SLC7A14: variants seen among roughly 807,000 people sequenced by gnomAD.
SLC7A14 encodes solute carrier family 7 member 14.
In SLC7A14, 37 loss-of-function variants were observed where a neutral mutation model predicts 60.2. That is an observed-to-expected ratio of 0.61 (90% confidence interval 0.47 to 0.81). The LOEUF (loss-of-function observed/expected upper bound fraction) is 0.81, where lower values mean the gene tolerates loss of function less well. SLC7A14 is among the 30% of genes least tolerant of loss of function. SLC7A14 has a pLI of 0.00. For missense variants in SLC7A14, 886 were observed against 982.7 expected (o/e 0.90, Z 1.32); for synonymous variants, 399 against 395.8 (o/e 1.01, Z -0.10).
chr3:170,484,235 C>T (rs989520538), intron 5 of SLC7A14, among the ~76,000 whole-genome samples: 1 of 152,134 alleles, frequency 6.6e-6, no homozygotes, highest in Admixed American at 6.5e-5. Flanking sequence ...AAGGGTCCAC[C>T]CCCAGAGAAG....
chr3:170,529,803 C>T (rs1181311779), intron 1 of SLC7A14, among the ~76,000 whole-genome samples: 1 of 152,050 alleles, frequency 6.6e-6, no homozygotes, highest in Non-Finnish European at 1.5e-5. Flanking sequence ...TGACTGATGT[C>T]CTTATAAAAA....
rs185407870 is a variant in SLC7A14 at position 170,465,769 on chromosome 3, A to G, written c.*1286T>C. On this transcript the variant is annotated 3_prime_UTR_variant, in exon 8 of 8. Transcript: ENST00000231706. ...CAGCCACAGGAATTCTTGTAACCCA[A>G]GAGTAGAATTTATATTGTAGCCCAT... 2.6e-5 allele frequency: 4 copies of G among 152,326 alleles called. No homozygotes were observed. Among genetic ancestry groups the G allele is most frequent in the Admixed American group, 1.3e-4 (2 of 15,296 alleles). 9.4% of individuals were successfully genotyped at this position (152,326 alleles called of 1,614,324 possible).
At chr3:170,554,938 G>A (rs1030441798) in intron 1 of SLC7A14, among the ~76,000 whole-genome samples, 25 of 152,266 alleles carry the variant, frequency 1.6e-4, no homozygotes, top group African/African-American at 6.0e-4. Flanking sequence ...GGAGGCCGAG[G>A]TGGGCAGATC....
At chr3:170,497,196 T>G (rs749715465) in intron 4 of SLC7A14, among the ~76,000 whole-genome samples, 2 of 152,214 alleles carry the variant, frequency 1.3e-5, no homozygotes, top group African/African-American at 4.8e-5. Context: ...GTTTCTCTTA[T>G]ATGATAGGAA....
Position 170,535,339 on chromosome 3 carries a change from A to C in SLC7A14, c.-152-8251T>G, listed in dbSNP as rs1713806517. Among the ~76,000 whole-genome samples the C allele has an allele frequency of 6.6e-6, 1 of 152,190 alleles. No individual in the cohort carries two copies. The highest frequency in any genetic ancestry group is 1.5e-5 in the Non-Finnish European group (1 of 68,022). Reference sequence around the variant, plus strand: ...TCTGTTAGAAGGGACAAATAATACCAAAAACCAGTTAATCCTTCTATGCCA... The same window carrying C: ...TCTGTTAGAAGGGACAAATAATACCCAAAACCAGTTAATCCTTCTATGCCA... On this transcript the variant is annotated intron_variant, in intron 1 of 7. Coordinates refer to ENST00000231706, the MANE Select transcript of SLC7A14 (RefSeq NM_020949.3). The surrounding 1 kb of genome is among the most constrained non-coding windows in gnomAD (Gnocchi z 4.3).
chr3:170,539,757 C>T (rs1480722504), intron 1 of SLC7A14, among the ~76,000 whole-genome samples: 1 of 152,114 alleles, frequency 6.6e-6, no homozygotes, highest in South Asian at 2.1e-4. Flanking sequence ...GCAGGGGCTA[C>T]CTTCCAAGAC....
At chr3:170,526,548 C>G in intron 2 of SLC7A14, 85 bp downstream of exon 2, 4 of 1,515,514 alleles carry the variant, frequency 2.6e-6, no homozygotes, top group Non-Finnish European at 3.6e-6. Context: ...CATCTCACCA[C>G]TAAATACTCC....
At chr3:170,512,820 C>T (rs1038777987) in intron 2 of SLC7A14, among the ~76,000 whole-genome samples, 67 of 151,916 alleles carry the variant, frequency 4.4e-4, no homozygotes, top group African/African-American at 1.5e-3. Context: ...CCCGCCACTA[C>T]GCCCGGCTAA....
intron 4 of SLC7A14, chr3:170,495,560 A>C: frequency 1.3e-6 from 1 of 757,532 alleles, no homozygotes; most frequent in Admixed American, 1.8e-5. Context: ...GCCTCTCCCG[A>C]GTGAGCAGCA....
At chr3:170,518,934 C>T (rs1713252810) in intron 2 of SLC7A14, among the ~76,000 whole-genome samples, 1 of 152,166 alleles carries the variant, frequency 6.6e-6, no homozygotes, top group Admixed American at 6.6e-5. Context: ...TGTGAGCTTG[C>T]TGTTTGCTGG....
intron 1 of SLC7A14, among the ~76,000 whole-genome samples, chr3:170,577,568 A>G (rs1399471035): frequency 1.4e-5 from 2 of 141,138 alleles, no homozygotes; most frequent in African/African-American, 5.2e-5. Context: ...CAGTGAGCCG[A>G]GATTGCGCCA....
chr3:170,571,780 G>C (rs1714961622), intron 1 of SLC7A14, among the ~76,000 whole-genome samples: 1 of 152,008 alleles, frequency 6.6e-6, no homozygotes, highest in Non-Finnish European at 1.5e-5. Context: ...GTAAGACTTG[G>C]CCAGGCACGT....
Position 170,532,187 on chromosome 3 carries a change from G to A in SLC7A14, c.-152-5099C>T, listed in dbSNP as rs187682253. Among the ~76,000 whole-genome samples the A allele has an allele frequency of 6.6e-6, 1 of 152,118 alleles. No individual in the cohort carries two copies. Among genetic ancestry groups the A allele is most frequent in the Non-Finnish European group, 1.5e-5 (1 of 68,038 alleles). On this transcript the variant is annotated intron_variant, in intron 1 of 7. Coordinates refer to ENST00000231706, the MANE Select transcript of SLC7A14 (RefSeq NM_020949.3). The surrounding 1 kb of genome is among the most constrained non-coding windows in gnomAD (Gnocchi z 4.0). ...TGGCTGATAGAAGCAGCCCTTTCAC[G>A]TGGTGGGACAGTTAGGATTGCTACA... is the stretch of plus-strand genomic sequence containing the variant.
intron 7 of SLC7A14, among the ~76,000 whole-genome samples, chr3:170,476,476 G>A (rs540311534): frequency 2.0e-5 from 3 of 152,280 alleles, no homozygotes; most frequent in South Asian, 2.1e-4. Context: ...TTGAGTCAGC[G>A]AGTAGCAGTT....
chr3:170,522,606 A>C (rs1237280564), intron 2 of SLC7A14, among the ~76,000 whole-genome samples: 1 of 152,220 alleles, frequency 6.6e-6, no homozygotes, highest in East Asian at 1.9e-4. Flanking sequence ...AGGGACTGAA[A>C]ACAAATTAGT....
intron 2 of SLC7A14, among the ~76,000 whole-genome samples, chr3:170,514,667 C>T (rs1445636010): frequency 1.3e-5 from 2 of 152,146 alleles, no homozygotes; most frequent in African/African-American, 4.8e-5. Flanking sequence ...GCTCTTTGCA[C>T]AGGGTTCATC....
At chr3:170,494,375 A>G (rs1431542542) in intron 4 of SLC7A14, among the ~76,000 whole-genome samples, 1 of 152,238 alleles carries the variant, frequency 6.6e-6, no homozygotes, top group African/African-American at 2.4e-5. Flanking sequence ...GTTAGTGAGA[A>G]CCCAGGATGT....
At chr3:170,469,277 C>T (rs1221136770) in intron 7 of SLC7A14, among the ~76,000 whole-genome samples, 1 of 152,210 alleles carries the variant, frequency 6.6e-6, no homozygotes, top group Non-Finnish European at 1.5e-5. Flanking sequence ...TGAAGTGTGC[C>T]TTTTTAAGCT....
At chr3:170,533,228 T>G (rs921960487) in intron 1 of SLC7A14, among the ~76,000 whole-genome samples, 2 of 152,208 alleles carry the variant, frequency 1.3e-5, no homozygotes, top group Non-Finnish European at 2.9e-5. Flanking sequence ...ACTGGGGATG[T>G]GCTTGCATGT....
Sources: gnomAD v4.1 joint callset for allele counts (sites outside exome capture counted in the v4.1 genomes callset) on GRCh38, gnomAD v4.1.1 for gene constraint, Gnocchi (gnomAD v3.1) non-coding constraint, MANE v1.5 for transcripts, NCBI Gene and HGNC (gene_info 2026-07-23, HGNC 2026-07-21) for gene names.